Variants in RXRA observed in about 807,000 individuals in gnomAD.
The protein encoded by RXRA is retinoid X receptor alpha.
In RXRA, 5 loss-of-function variants were observed where a neutral mutation model predicts 44.5. The observed-to-expected ratio is 0.11, with a 90% CI of 0.06 to 0.24. The LOEUF (loss-of-function observed/expected upper bound fraction) is 0.24, where lower values mean the gene tolerates loss of function less well. Among genes scored for constraint, RXRA ranks in the 10% least tolerant of loss-of-function variants. The pLI, the probability that RXRA is intolerant of heterozygous loss-of-function variation, is 1.00. For missense variants in RXRA, 412 were observed against 646.5 expected (o/e 0.64, Z 3.93); for synonymous variants, 291 against 271.4 (o/e 1.07, Z -0.71).
intron 2 of RXRA, chr9:134,402,178 TG>T (rs1201035916): frequency 2.1e-6 from 1 of 470,156 alleles, no homozygotes; most frequent in Non-Finnish European, 3.8e-6. Context: ...TTCCCATGAC[TG>T]GGGGACTCAG....
chr9:134,398,658 T>TC, intron 1 of RXRA, among the ~76,000 whole-genome samples: 1 of 152,260 alleles, frequency 6.6e-6, no homozygotes, highest in Non-Finnish European at 1.5e-5. Context: ...CAACTCAGTG[T>TC]CCCCCTGACT....
intron 5 of RXRA, among the ~76,000 whole-genome samples, chr9:134,420,174 C>CTG (rs1797031440): frequency 6.6e-6 from 1 of 152,230 alleles, no homozygotes; most frequent in South Asian, 2.1e-4. Flanking sequence ...CCATATCCCC[C>CTG]CGCCCCTGCC....
At chr9:134,370,414 C>T (rs1830477307) in intron 1 of RXRA, among the ~76,000 whole-genome samples, 1 of 152,216 alleles carries the variant, frequency 6.6e-6, no homozygotes, top group Non-Finnish European at 1.5e-5. Flanking sequence ...GCAGACGAGG[C>T]TCCTCACCTC....
intron 5 of RXRA, among the ~76,000 whole-genome samples, chr9:134,420,295 C>T (rs113560016): frequency 2.0e-5 from 3 of 152,354 alleles, no homozygotes; most frequent in African/African-American, 7.2e-5. Context: ...GCTAAGAAGC[C>T]AGCCTGGCTG....
rs1259282092 is a variant in RXRA, at chr9:134,426,866, C to T, written c.911-2242C>T. On this transcript the variant is annotated intron_variant, in intron 6 of 9. Transcript: ENST00000481739. The surrounding 1 kb of genome is among the most constrained non-coding windows in gnomAD (Gnocchi z 4.6). ...GGCCCCCTGGGTCCCTGCCCTTGGC[C>T]ACAGGAAGTCTGTCCACACTGGGCC... 1 of 985,264 alleles carries T rather than the reference C, an allele frequency of 1.0e-6. No individual in the cohort carries two copies. The highest frequency in any genetic ancestry group is 1.7e-5 in the African/African-American group (1 of 57,224). The allele number at this position is 985,264 out of a possible 1,614,324, so 61.0% of individuals were successfully genotyped here.
chr9:134,360,684 G>A (rs903128962), intron 1 of RXRA, among the ~76,000 whole-genome samples: 5 of 152,232 alleles, frequency 3.3e-5, no homozygotes, highest in East Asian at 1.9e-4. Flanking sequence ...CAGGGCCTTC[G>A]TGTATTGGGG....
At chr9:134,364,123 G>A (rs73663463) in intron 1 of RXRA, among the ~76,000 whole-genome samples, 3 of 152,252 alleles carry the variant, frequency 2.0e-5, no homozygotes, top group Non-Finnish European at 2.9e-5. Flanking sequence ...CTCCACAACC[G>A]TGATGTTGCC....
chr9:134,408,854 A>T, intron 3 of RXRA, 86 bp from the exon 4 acceptor site: 2 of 1,319,574 alleles, frequency 1.5e-6, no homozygotes, highest in South Asian at 1.6e-5. Flanking sequence ...CTGGCCCGCC[A>T]GCTGGTAGTG....
At chr9:134,380,629 C>A (rs1830629625) in intron 1 of RXRA, among the ~76,000 whole-genome samples, 1 of 152,076 alleles carries the variant, frequency 6.6e-6, no homozygotes, top group African/African-American at 2.4e-5. Flanking sequence ...TCTGTGGCTG[C>A]CTCTGTGGCC....
chr9:134,353,731 T>C (rs1830249675), intron 1 of RXRA, among the ~76,000 whole-genome samples: 1 of 152,240 alleles, frequency 6.6e-6, no homozygotes, highest in Non-Finnish European at 1.5e-5. Context: ...AGGGAACTGC[T>C]GTCTCCTCAT....
intron 1 of RXRA, among the ~76,000 whole-genome samples, chr9:134,375,374 A>G (rs908400872): frequency 1.3e-5 from 2 of 152,122 alleles, no homozygotes; most frequent in Admixed American, 6.5e-5. Flanking sequence ...TGCCTCCAGA[A>G]TTGCAGTGGC....
intron 6 of RXRA, chr9:134,422,479 GGGACACTCCCCCCTCCCA>G (rs746414778): frequency 8.2e-7 from 1 of 1,225,124 alleles, no homozygotes; most frequent in Non-Finnish European, 1.1e-6. Context: ...CCCTGCTACC[GGGACACTCCCCCCTCCCA>G]GGACACTCCC....
intron 1 of RXRA, among the ~76,000 whole-genome samples, chr9:134,330,407 G>A (rs914422947): frequency 6.6e-6 from 1 of 152,198 alleles, no homozygotes; most frequent in African/African-American, 2.4e-5. Context: ...GGCCACAAGG[G>A]CCTGGGGGGC....
chr9:134,402,886 T>G (rs796902630), intron 2 of RXRA: 10 of 102,034 alleles, frequency 9.8e-5, no homozygotes, highest in African/African-American at 2.6e-4. Flanking sequence ...ATGGCAGAGT[T>G]TTGGTGCCAT....
chr9:134,380,302 C>T (rs1160838640), intron 1 of RXRA: 3 of 639,150 alleles, frequency 4.7e-6, no homozygotes, highest in East Asian at 1.4e-4. Flanking sequence ...CTGCCCGTGG[C>T]TTGGCCTGGG....
chr9:134,377,261 G>GT (rs1490409366), intron 1 of RXRA, among the ~76,000 whole-genome samples: 1 of 152,228 alleles, frequency 6.6e-6, no homozygotes, highest in African/African-American at 2.4e-5. Context: ...GGGGTGTTGG[G>GT]TCCTTGATGG....
intron 1 of RXRA, among the ~76,000 whole-genome samples, chr9:134,358,274 T>C (rs2119057359): frequency 6.6e-6 from 1 of 152,336 alleles, no homozygotes; most frequent in East Asian, 1.9e-4. Flanking sequence ...GCACCAGTCC[T>C]GTTAGGCCGC....
At chr9:134,359,810 GCTCTGGGCCCTGGT>G (rs916710369) in intron 1 of RXRA, among the ~76,000 whole-genome samples, 2 of 152,220 alleles carry the variant, frequency 1.3e-5, no homozygotes, top group Non-Finnish European at 2.9e-5. Flanking sequence ...TCCTGGGTAG[GCTCTGGGCCCTGGT>G]CCCAGCCCGT....
intron 1 of RXRA, among the ~76,000 whole-genome samples, chr9:134,364,976 C>T (rs747817494): frequency 9.2e-5 from 14 of 152,238 alleles, no homozygotes; most frequent in Non-Finnish European, 4.4e-5. Flanking sequence ...CTTACCTGCC[C>T]TCTTACTTAT....
Sources: allele counts gnomAD v4.1 joint callset (sites outside exome capture counted in the v4.1 genomes callset), GRCh38; gene constraint gnomAD v4.1.1; non-coding constraint Gnocchi (gnomAD v3.1); transcripts MANE v1.5; gene names NCBI Gene and HGNC (gene_info 2026-07-23, HGNC 2026-07-21).